The following PEDS1 variants were observed in gnomAD, a reference collection of about 807,000 sequenced individuals.
PEDS1 encodes the protein plasmanylethanolamine desaturase 1, also known as CarF homolog.
A neutral mutation model predicts 35.2 loss-of-function variants in PEDS1; 14 were observed. The ratio of observed to expected loss-of-function variants is 0.40; its 90% CI spans 0.26 to 0.62. PEDS1 has a LOEUF of 0.62. Among genes scored for constraint, PEDS1 ranks in the 20% least tolerant of loss-of-function variants. PEDS1 has a pLI of 0.44. For synonymous variants in PEDS1, 152 were observed against 152.0 expected, an observed-to-expected ratio of 1.00 and a Z score of 0.00; for missense variants, 260 against 367.8, an observed-to-expected ratio of 0.71 and a Z score of 2.40.
In PEDS1 at chr20:50,130,939, C is replaced by G; in HGVS notation, c.250G>C (p.Ala84Pro). The stretch of plus-strand genomic sequence containing the variant: ...CCAGACAAGAAGTCAGCAATGAGAG[C>G]CCCTGCAACTGTGGACAAGAGGGTG... ...PLVILGVVAG[A>P]LIADFLSGLV... The change falls in exon 3 of 6, where the codon GCT (alanine) becomes CCT (proline). Residue 84 changes from alanine (A) to proline (P), a missense_variant. Around this residue, in one of 4 missense-constraint regions of PEDS1, gnomAD observed 114 missense variants for 121.6 expected, o/e 0.94. Coordinates refer to ENST00000371652, the MANE Select transcript of PEDS1 (RefSeq NM_199129.4). The G allele has an allele frequency of 6.2e-7, 1 of 1,614,230 alleles. No individual in the cohort carries two copies. Among genetic ancestry groups the G allele is most frequent in the Non-Finnish European group, 8.5e-7 (1 of 1,180,048 alleles).
chr20:50,141,102 C>T (rs975592395), intron 2 of PEDS1, among the ~76,000 whole-genome samples: 24 of 152,204 alleles, frequency 1.6e-4, no homozygotes, highest in African/African-American at 5.6e-4. Context: ...TGATCCAGCC[C>T]ATCCTTTACC....
In PEDS1 at chr20:50,119,198, A is replaced by C. The variant is rs192765119; in HGVS notation, c.*5860T>G. On this transcript the variant is annotated 3_prime_UTR_variant, in exon 6 of 6. Transcript: ENST00000371652. Reference sequence around the variant, plus strand: ...GTAATCCCAGCAGTTTGGGAGTCTGAGGCAGGAGGATTGCTTGAGCACAGG... The same window carrying C: ...GTAATCCCAGCAGTTTGGGAGTCTGCGGCAGGAGGATTGCTTGAGCACAGG... The C allele has an allele frequency of 9.9e-5, 15 of 152,222 alleles. No individual in the cohort carries two copies. Among genetic ancestry groups the C allele is most frequent in the Admixed American group, 2.6e-4 (4 of 15,290 alleles). The allele number at this position is 152,222 out of a possible 1,614,324, so 9.4% of individuals were successfully genotyped here.
At chr20:50,142,635 C>T (rs2081302333) in intron 2 of PEDS1, among the ~76,000 whole-genome samples, 1 of 149,652 alleles carries the variant, frequency 6.7e-6, no homozygotes, top group African/African-American at 2.5e-5. Flanking sequence ...GATGGGGTTT[C>T]ACCACGTTGG....
intron 2 of PEDS1, among the ~76,000 whole-genome samples, chr20:50,136,455 G>C (rs948379871): frequency 2.6e-5 from 4 of 152,154 alleles, no homozygotes; most frequent in Non-Finnish European, 5.9e-5. Context: ...TGGGCGCAGG[G>C]CTCACACCTG....
At chr20:50,139,555 C>T (rs1170922056) in intron 2 of PEDS1, among the ~76,000 whole-genome samples, 1 of 152,034 alleles carries the variant, frequency 6.6e-6, no homozygotes, top group African/African-American at 2.4e-5. Context: ...GCCATCCCAG[C>T]CTCCCTTGCT....
chr20:50,125,237 G>A, intron 5 of PEDS1, 58 bp from the exon 6 acceptor site: 1 of 1,595,866 alleles, frequency 6.3e-7, no homozygotes. Flanking sequence ...GGGGACATTG[G>A]AAGAGAGCTG....
At chr20:50,127,300 A>T (rs1381360089) in intron 5 of PEDS1, among the ~76,000 whole-genome samples, 1 of 147,706 alleles carries the variant, frequency 6.8e-6, no homozygotes, top group Non-Finnish European at 1.5e-5. Context: ...CTCCCTCACT[A>T]GATGGTGAGT....
At chr20:50,153,242 C>T (rs2081423974) in intron 1 of PEDS1, among the ~76,000 whole-genome samples, 1 of 151,976 alleles carries the variant, frequency 6.6e-6, no homozygotes, top group South Asian at 2.1e-4. Context: ...GATTCCGTAT[C>T]TGCGGGTCCG....
Position 50,131,057 on chromosome 20 carries a change from CCTT to C in PEDS1, c.242-113_242-111del, listed in dbSNP as rs772027490. 23 of 1,581,906 alleles carry C rather than the reference CCTT, an allele frequency of 1.5e-5. No individual in the cohort carries two copies. In the South Asian group the frequency reaches 2.1e-4, roughly 14 times the overall value. ...TCATTTGTTAGGAGGGGAAGGTGTC[CCTT>C]CTTCTCTAGTTGGGATGTTTTCTTC... On this transcript the variant is annotated intron_variant, in intron 2 of 5. Coordinates refer to ENST00000371652, the MANE Select transcript of PEDS1 (RefSeq NM_199129.4).
At chr20:50,141,634 G>A (rs2081292443) in intron 2 of PEDS1, among the ~76,000 whole-genome samples, 1 of 152,228 alleles carries the variant, frequency 6.6e-6, no homozygotes, top group Non-Finnish European at 1.5e-5. Flanking sequence ...GTAGAGGCCT[G>A]CTCGTAACCA....
chr20:50,139,225 A>G (rs2081267606), intron 2 of PEDS1, among the ~76,000 whole-genome samples: 1 of 152,006 alleles, frequency 6.6e-6, no homozygotes. Flanking sequence ...AAGGTCCACG[A>G]AGGACTCTGC....
Position 50,121,095 on chromosome 20 carries a change from A to G in PEDS1, c.*3963T>C, listed in dbSNP as rs1392752913. On this transcript the variant is annotated 3_prime_UTR_variant, in exon 6 of 6. Coordinates refer to ENST00000371652, the MANE Select transcript of PEDS1 (RefSeq NM_199129.4). Reference sequence around the variant, plus strand: ...GAGGCTGCAGGCAGTTGGCCTATGCACTCATTTTGTTTTGCCCACAGTACG... The same window carrying G: ...GAGGCTGCAGGCAGTTGGCCTATGCGCTCATTTTGTTTTGCCCACAGTACG... 6.6e-6 allele frequency: 1 copy of G among 152,154 alleles called. No homozygotes were observed. The highest frequency in any genetic ancestry group is 1.5e-5 in the Non-Finnish European group (1 of 68,028). The allele number at this position is 152,154 out of a possible 1,614,324, so 9.4% of individuals were successfully genotyped here.
chr20:50,140,955 A>C (rs1355488110), intron 2 of PEDS1, among the ~76,000 whole-genome samples: 1 of 152,132 alleles, frequency 6.6e-6, no homozygotes, highest in African/African-American at 2.4e-5. Context: ...TGGGATGGGG[A>C]AGCTGGTGCT....
Position 50,120,932 on chromosome 20 carries a change from C to G in PEDS1, c.*4126G>C, listed in dbSNP as rs2081046341. The G allele has an allele frequency of 1.3e-5, 2 of 152,162 alleles. No homozygotes were observed. The highest frequency in any genetic ancestry group is 2.9e-5 in the Non-Finnish European group (2 of 68,060). The allele number at this position is 152,162 out of a possible 1,614,324, so 9.4% of individuals were successfully genotyped here. On this transcript the variant is annotated 3_prime_UTR_variant, in exon 6 of 6. Transcript: ENST00000371652. ...CCCCTTCTAAAGAACAGTGAGCACACAGGGGTATGCAAGTTCACTACAGCT... is the reference window on the plus strand; with the variant it reads ...CCCCTTCTAAAGAACAGTGAGCACAGAGGGGTATGCAAGTTCACTACAGCT...
intron 2 of PEDS1, among the ~76,000 whole-genome samples, chr20:50,139,421 C>A (rs1226434076): frequency 6.6e-6 from 1 of 152,098 alleles, no homozygotes; most frequent in Non-Finnish European, 1.5e-5. Flanking sequence ...CCTTGCTGGT[C>A]CACTCGGTGG....
At chr20:50,125,284 G>C in intron 5 of PEDS1, 105 bp from the exon 6 acceptor site, 3 of 1,449,628 alleles carry the variant, frequency 2.1e-6, no homozygotes, top group Non-Finnish European at 2.8e-6. Context: ...TGAGGAGTGA[G>C]TCAGTACAGG....
intron 2 of PEDS1, 44 bp from the exon 3 acceptor site, chr20:50,130,991 C>T (rs199615961): frequency 6.2e-7 from 1 of 1,614,124 alleles, no homozygotes; most frequent in South Asian, 1.1e-5. Flanking sequence ...TGCACCCCCC[C>T]AATCAGAATC....
At chr20:50,127,845 T>G in intron 5 of PEDS1, 130 bp downstream of exon 5, 2 of 1,301,846 alleles carry the variant, frequency 1.5e-6, no homozygotes, top group Non-Finnish European at 2.1e-6. Context: ...AATAAATGCA[T>G]GACCTGAGAG....
chr20:50,147,776 C>T (rs1237831061), intron 1 of PEDS1, among the ~76,000 whole-genome samples: 2 of 152,122 alleles, frequency 1.3e-5, no homozygotes, highest in South Asian at 2.1e-4. Context: ...ACACAATGGC[C>T]GGGTGTGGTG....
Sources: allele counts gnomAD v4.1 joint callset (sites outside exome capture counted in the v4.1 genomes callset), GRCh38; gene constraint gnomAD v4.1.1; regional missense constraint gnomAD v4.1.1; transcripts MANE v1.5; gene names NCBI Gene and HGNC (gene_info 2026-07-23, HGNC 2026-07-21).